PLCB1: variants seen among roughly 807,000 people sequenced by gnomAD.
The protein encoded by PLCB1 is phospholipase C beta 1.
A neutral mutation model predicts 161.8 loss-of-function variants in PLCB1; 46 were observed. That is an observed-to-expected ratio of 0.28 (90% CI 0.22 to 0.36). PLCB1 has a LOEUF of 0.36. PLCB1 is among the 10% of genes least tolerant of loss of function. The pLI is 1.00. For synonymous variants in PLCB1, 517 were observed against 503.7 expected (o/e 1.03, Z -0.35); for missense variants, 1,016 against 1,472.5 (o/e 0.69, Z 5.07).
chr20:8,580,997 C>G (rs985635470), intron 3 of PLCB1, among the ~76,000 whole-genome samples: 9 of 152,148 alleles, frequency 5.9e-5, no homozygotes, highest in African/African-American at 2.2e-4. Flanking sequence ...TTAGGCTAAT[C>G]CAGAAGCAGG....
chr20:8,416,484 G>T, intron 3 of PLCB1, among the ~76,000 whole-genome samples: 1 of 152,088 alleles, frequency 6.6e-6, no homozygotes, highest in East Asian at 1.9e-4. Flanking sequence ...CACTAGCTGC[G>T]GGGGGTGCAA....
At chr20:8,360,943 A>T (rs117911156) in intron 2 of PLCB1, among the ~76,000 whole-genome samples, 32 of 152,274 alleles carry the variant, frequency 2.1e-4, no homozygotes, top group Non-Finnish European at 7.3e-5. Flanking sequence ...CCAGATGGAT[A>T]TAACCAATCA....
At chr20:8,309,247 T>C (rs1206275160) in intron 2 of PLCB1, among the ~76,000 whole-genome samples, 5 of 152,148 alleles carry the variant, frequency 3.3e-5, no homozygotes, top group Non-Finnish European at 5.9e-5. Flanking sequence ...TATGCTTTTC[T>C]AAAAATGATT....
chr20:8,698,282 G>T (rs528844490), intron 11 of PLCB1, among the ~76,000 whole-genome samples: 1 of 152,098 alleles, frequency 6.6e-6, no homozygotes, highest in Non-Finnish European at 1.5e-5. Context: ...CCTACTTTGC[G>T]CTTCTTTAGA....
At chr20:8,804,850 G>T (rs556224781) in intron 31 of PLCB1, among the ~76,000 whole-genome samples, 132 of 152,066 alleles carry the variant, frequency 8.7e-4, no homozygotes, top group African/African-American at 3.1e-3. Context: ...AATTAGCCGG[G>T]CGTGGTGGCA....
At chr20:8,756,150 T>G (rs572201554) in intron 23 of PLCB1, among the ~76,000 whole-genome samples, 1 of 152,324 alleles carries the variant, frequency 6.6e-6, no homozygotes. Flanking sequence ...TCTGACAACT[T>G]TCACATTATT....
chr20:8,749,017 G>A (rs6140707), intron 23 of PLCB1, among the ~76,000 whole-genome samples: 139,352 of 152,232 alleles, frequency 0.92, 64,257 homozygotes, highest in East Asian at 1. Context: ...TTCAGATTCA[G>A]TAGGTCTGGC....
intron 31 of PLCB1, among the ~76,000 whole-genome samples, chr20:8,850,345 T>G (rs938903788): frequency 2.6e-5 from 4 of 152,168 alleles, no homozygotes; most frequent in East Asian, 1.9e-4. Flanking sequence ...GTAGCACCAA[T>G]AGTGCTCATG....
At chr20:8,361,195 C>T (rs1233359480) in intron 2 of PLCB1, among the ~76,000 whole-genome samples, 2 of 152,308 alleles carry the variant, frequency 1.3e-5, no homozygotes, top group South Asian at 2.1e-4. Context: ...GTGGAAATTG[C>T]TGCTTTAATC....
intron 31 of PLCB1, among the ~76,000 whole-genome samples, chr20:8,840,031 A>C (rs1986437884): frequency 7.6e-6 from 1 of 131,150 alleles, no homozygotes; most frequent in Admixed American, 8.5e-5. Flanking sequence ...ACTCTGTCTC[A>C]GAAAAAAAAA....
intron 3 of PLCB1, among the ~76,000 whole-genome samples, chr20:8,543,841 G>A (rs565613898): frequency 8.5e-5 from 13 of 152,120 alleles, no homozygotes; most frequent in South Asian, 2.1e-4. Flanking sequence ...TCTCATTCTC[G>A]CTCCTGCTGC....
chr20:8,405,810 C>T (rs1978761393), intron 3 of PLCB1, among the ~76,000 whole-genome samples: 1 of 152,178 alleles, frequency 6.6e-6, no homozygotes, highest in African/African-American at 2.4e-5. Context: ...AATACTGTCA[C>T]TTCCTACTTT....
At chr20:8,687,740 G>T (rs1169475535) in intron 10 of PLCB1, among the ~76,000 whole-genome samples, 2 of 152,140 alleles carry the variant, frequency 1.3e-5, no homozygotes, top group African/African-American at 2.4e-5. Flanking sequence ...ATTGACTGAT[G>T]GGCATTTCAG....
In PLCB1 at chr20:8,167,544, C is replaced by T. The variant is rs1291404223; in HGVS notation, c.177+17173C>T. ...GACCAACACTCCTTCTACTGTAGTG[C>T]ATTATCACTTCTAAAAGGAAAGTAA... On this transcript the variant is annotated intron_variant, in intron 2 of 31. Coordinates refer to ENST00000338037, the MANE Select transcript of PLCB1 (RefSeq NM_015192.4). 9.9e-5 allele frequency among the ~76,000 whole-genome samples: 15 copies of T among 152,248 alleles called. 1 individual carries two copies. In the Middle Eastern group the frequency reaches 0.01, roughly 104 times the overall value.
At position 8,456,386 on chromosome 20, in the gene PLCB1, T is replaced by C. The variant is rs193150760; in HGVS notation, c.246+84936T>C. The stretch of plus-strand genomic sequence containing the variant: ...TTGCGAGTGAAAAGTTTGGGGTGAG[T>C]ATTTTATTTTTCATTGAGAAGTGAA... On this transcript the variant is annotated intron_variant, in intron 3 of 31. Transcript: ENST00000338037. Among the ~76,000 whole-genome samples, 5 of 152,264 alleles carry C rather than the reference T, an allele frequency of 3.3e-5. No individual in the cohort carries two copies. In the East Asian group the frequency reaches 9.7e-4, roughly 29 times the overall value.
intron 3 of PLCB1, among the ~76,000 whole-genome samples, chr20:8,431,344 G>T (rs770713703): frequency 6.6e-6 from 1 of 152,148 alleles, no homozygotes; most frequent in Non-Finnish European, 1.5e-5. Flanking sequence ...CTGTAAGGCT[G>T]TTTCCCTGAA....
At chr20:8,589,703 CCTT>C (rs1263091379) in intron 3 of PLCB1, among the ~76,000 whole-genome samples, 1 of 146,502 alleles carries the variant, frequency 6.8e-6, no homozygotes. Flanking sequence ...GCAGCCTCAA[CCTT>C]CTGGGCTCAA....
chr20:8,470,719 G>T (rs1982015837), intron 3 of PLCB1, among the ~76,000 whole-genome samples: 1 of 152,056 alleles, frequency 6.6e-6, no homozygotes, highest in African/African-American at 2.4e-5. Flanking sequence ...TAGAAATGGG[G>T]TCTCGCCATA....
intron 3 of PLCB1, among the ~76,000 whole-genome samples, chr20:8,382,855 G>A (rs1010913591): frequency 5.3e-5 from 8 of 152,172 alleles, no homozygotes; most frequent in Non-Finnish European, 8.8e-5. Context: ...CCTTGAGTGA[G>A]TTTCTTAATC....
Sources: gnomAD v4.1 joint callset for allele counts (sites outside exome capture counted in the v4.1 genomes callset) on GRCh38, gnomAD v4.1.1 for gene constraint, MANE v1.5 for transcripts, NCBI Gene and HGNC (gene_info 2026-07-23, HGNC 2026-07-21) for gene names.